CWC22: variants seen among roughly 807,000 people sequenced by gnomAD.
CWC22 encodes the protein pre-mRNA-splicing factor CWC22 homolog.
Under a neutral mutation model 117.2 loss-of-function variants are expected in CWC22, and 53 were observed. That is an observed-to-expected ratio of 0.45 (90% confidence interval 0.36 to 0.57). The LOEUF is 0.57. Ranked by LOEUF, CWC22 falls within the 20% of genes least tolerant of loss-of-function variation. The probability of loss-of-function intolerance (pLI) is 0.00; values close to 1 mark genes in which losing one functional copy is unlikely to be tolerated. For missense variants in CWC22, 980 were observed against 1,068.8 expected, an observed-to-expected ratio of 0.92 and a Z score of 1.16; for synonymous variants, 360 against 355.6, an observed-to-expected ratio of 1.01 and a Z score of -0.14.
chr2:179,951,266 T>C (rs536435988), intron 17 of CWC22, among the ~76,000 whole-genome samples: 3 of 152,148 alleles, frequency 2.0e-5, no homozygotes, highest in Non-Finnish European at 2.9e-5. Flanking sequence ...ATATAGTGAA[T>C]ATATGTACAA....
chr2:179,985,868 T>G (rs1007164122), intron 4 of CWC22, among the ~76,000 whole-genome samples: 2 of 152,016 alleles, frequency 1.3e-5, no homozygotes, highest in African/African-American at 4.8e-5. Context: ...AGGCACCCAC[T>G]GGGGTCCTAG....
rs986170122 is a variant in CWC22 at position 179,965,882 on chromosome 2, T to G, written c.1311A>C (p.Glu437Asp). ...TTGAATATGCTACATGTTTACCTTC[T>G]TCATCTTCTTCTCCCTCTTCCTCTT... is the stretch of plus-strand genomic sequence containing the variant. The part of the protein sequence containing the change: ...EEEEEEGEED[E>D]EGQKVTIHDK... The change falls in exon 12 of 20, where the codon GAA becomes GAC. Residue 437 changes from glutamate (E) to aspartate (D), a missense_variant. Transcript: ENST00000410053. 2.0e-6 allele frequency: 3 copies of G among 1,500,716 alleles called. No homozygotes were observed. The highest frequency in any genetic ancestry group is 1.7e-5 in the Admixed American group (1 of 59,748). The allele number at this position is 1,500,716 out of a possible 1,614,324, so 93.0% of individuals were successfully genotyped here.
intron 7 of CWC22, 70 bp from the exon 8 acceptor site, chr2:179,973,316 C>A: frequency 9.8e-7 from 1 of 1,021,432 alleles, no homozygotes; most frequent in Non-Finnish European, 1.5e-6. Flanking sequence ...TAATCTATGG[C>A]CTACTAACAT....
chr2:179,986,041 C>T (rs1687410780), intron 4 of CWC22, among the ~76,000 whole-genome samples: 1 of 152,054 alleles, frequency 6.6e-6, no homozygotes, highest in South Asian at 2.1e-4. Flanking sequence ...CACTTAATGT[C>T]TGACTCTTCT....
At chr2:179,957,397 T>C (rs907774739) in intron 14 of CWC22, among the ~76,000 whole-genome samples, 14 of 152,214 alleles carry the variant, frequency 9.2e-5, no homozygotes, top group African/African-American at 3.4e-4. Flanking sequence ...ATCTTTTCTG[T>C]AAAGGGCCAG....
chr2:179,991,702 G>A (rs527905555), intron 2 of CWC22, among the ~76,000 whole-genome samples: 5 of 152,194 alleles, frequency 3.3e-5, no homozygotes, highest in Non-Finnish European at 5.9e-5. Flanking sequence ...TCTGTCAAGA[G>A]CCAGTTCTGT....
chr2:180,003,414 C>T (rs986432643), intron 1 of CWC22, among the ~76,000 whole-genome samples: 9 of 152,158 alleles, frequency 5.9e-5, no homozygotes, highest in Non-Finnish European at 8.8e-5. Flanking sequence ...CTCTCCTGTC[C>T]CAAATCTGTT....
chr2:179,976,556 C>T (rs1687156146), intron 6 of CWC22, among the ~76,000 whole-genome samples: 1 of 151,716 alleles, frequency 6.6e-6, no homozygotes, highest in Non-Finnish European at 1.5e-5. Flanking sequence ...GCATTCAACT[C>T]AATAGTAAGA....
At chr2:179,994,700 G>A (rs570949494) in intron 1 of CWC22, among the ~76,000 whole-genome samples, 47 of 152,274 alleles carry the variant, frequency 3.1e-4, no homozygotes, top group African/African-American at 1.1e-3. Context: ...GCTTATGTAC[G>A]AGGCTTACAG....
At chr2:179,963,186 T>C (rs570396411) in intron 13 of CWC22, among the ~76,000 whole-genome samples, 1 of 151,848 alleles carries the variant, frequency 6.6e-6, no homozygotes, top group African/African-American at 2.4e-5. Flanking sequence ...GTAACTGCAA[T>C]ACTAACACAG....
chr2:179,972,976 T>C (rs916128363), intron 8 of CWC22, among the ~76,000 whole-genome samples: 1 of 151,088 alleles, frequency 6.6e-6, no homozygotes, highest in African/African-American at 2.4e-5. Context: ...GCCACTGCAC[T>C]CCAGCCTGGG....
At chr2:179,985,723 G>A (rs766533213) in intron 4 of CWC22, among the ~76,000 whole-genome samples, 8 of 151,962 alleles carry the variant, frequency 5.3e-5, no homozygotes, top group East Asian at 1.9e-4. Flanking sequence ...TCTTATAATC[G>A]TTCTATTTTA....
intron 1 of CWC22, among the ~76,000 whole-genome samples, chr2:180,003,549 A>C (rs1687896516): frequency 6.6e-6 from 1 of 152,218 alleles, no homozygotes; most frequent in African/African-American, 2.4e-5. Flanking sequence ...GTTTAAAGAA[A>C]ACTTGGAGGT....
Position 179,964,428 on chromosome 2 carries a change from C to T in CWC22, c.1397+119G>A, listed in dbSNP as rs541250885. On this transcript the variant is annotated intron_variant, in intron 13 of 19. Transcript: ENST00000410053. ...TTGGGCATGGGATGGGGGAGAGAGT[C>T]TAAGAATGCTGAAATGGTGTCCAGT... The T allele has an allele frequency of 6.9e-5, 39 of 568,612 alleles. No individual in the cohort carries two copies. The African/African-American group carries it at 7.0e-4, about 10-fold the overall frequency. 35.2% of individuals were successfully genotyped at this position (568,612 alleles called of 1,614,324 possible).
At chr2:179,953,619 G>A (rs1321349409) in intron 16 of CWC22, among the ~76,000 whole-genome samples, 1 of 152,084 alleles carries the variant, frequency 6.6e-6, no homozygotes, top group Non-Finnish European at 1.5e-5. Flanking sequence ...AAAAACAGCT[G>A]TAAAATCAAT....
chr2:179,974,838 G>A (rs950080650), intron 6 of CWC22, among the ~76,000 whole-genome samples: 1 of 152,138 alleles, frequency 6.6e-6, no homozygotes, highest in African/African-American at 2.4e-5. Context: ...TGGAAGCTCT[G>A]CCTCCTGGGC....
intron 13 of CWC22, among the ~76,000 whole-genome samples, chr2:179,959,425 T>G (rs1686690088): frequency 6.6e-6 from 1 of 152,140 alleles, no homozygotes; most frequent in African/African-American, 2.4e-5. Context: ...CAGGGTTTAG[T>G]TTAGAGTAAT....
intron 5 of CWC22, 22 bp downstream of exon 5, chr2:179,981,730 A>G: frequency 6.3e-7 from 1 of 1,591,808 alleles, no homozygotes. Context: ...ATGGCTTTGT[A>G]TACTGATTGA....
At chr2:179,947,426 T>C (rs771435685) in intron 19 of CWC22, among the ~76,000 whole-genome samples, 6 of 152,238 alleles carry the variant, frequency 3.9e-5, no homozygotes, top group Non-Finnish European at 5.9e-5. Context: ...TCTTCTCCGT[T>C]TGCTATGTTT....
Sources: gnomAD v4.1 joint callset for allele counts (sites outside exome capture counted in the v4.1 genomes callset) on GRCh38, gnomAD v4.1.1 for gene constraint, MANE v1.5 for transcripts, NCBI Gene and HGNC (gene_info 2026-07-23, HGNC 2026-07-21) for gene names.